The following USP36 variants were observed in gnomAD, a reference collection of about 807,000 sequenced individuals.
USP36 encodes ubiquitin carboxyl-terminal hydrolase 36.
USP36 carries 59 observed loss-of-function variants against 111.5 expected under a neutral mutation model. The ratio of observed to expected loss-of-function variants is 0.53; its 90% confidence interval spans 0.43 to 0.66. USP36 has a LOEUF of 0.66. Ranked by LOEUF, USP36 falls within the 30% of genes least tolerant of loss-of-function variation. The pLI is 0.00. For synonymous variants in USP36, 628 were observed against 581.0 expected (o/e 1.08, Z -1.16); for missense variants, 1,488 against 1,468.0 (o/e 1.01, Z -0.22).
In USP36 at chr17:78,835,500, G is replaced by C. The variant is rs1406516113; in HGVS notation, c.255C>G (p.Gly85=). The change falls in exon 4 of 21, where the codon GGC becomes GGG. Residue 85 remains glycine, a splice_region_variant and synonymous_variant. Coordinates refer to ENST00000449938, the MANE Select transcript of USP36 (RefSeq NM_001385174.1). ...SGDDPPARRQ[G]SEHTYESCGD... ...CACAGCTCTCATACGTGTGCTCACT[G>C]CCTGAGGAAGAAAGGGACAAGGGAA... 1.9e-6 allele frequency: 3 copies of C among 1,594,130 alleles called. No individual in the cohort carries two copies. Among genetic ancestry groups the C allele is most frequent in the Admixed American group, 3.5e-5 (2 of 56,706 alleles).
Position 78,835,499 on chromosome 17 carries a change from T to A in USP36, c.256A>T (p.Ser86Cys). The change falls in exon 4 of 21, where the codon AGT (serine) becomes TGT (cysteine). Residue 86 changes from serine (S) to cysteine (C), a missense_variant and splice_region_variant. Ser to Cys is a moderately radical substitution (Grantham distance 112). Around this residue, in one of 3 missense-constraint regions of USP36, gnomAD observed 219 missense variants for 209.5 expected, o/e 1.05. Coordinates refer to ENST00000449938, the MANE Select transcript of USP36 (RefSeq NM_001385174.1). ...CCACAGCTCTCATACGTGTGCTCAC[T>A]GCCTGAGGAAGAAAGGGACAAGGGA... Reference protein sequence around the residue: ...GDDPPARRQGSEHTYESCGDG... With the variant: ...GDDPPARRQGCEHTYESCGDG... The A allele has an allele frequency of 6.3e-7, 1 of 1,596,362 alleles. No individual in the cohort carries two copies. Among genetic ancestry groups the A allele is most frequent in the South Asian group, 1.1e-5 (1 of 88,708 alleles).
exon 4 of USP36, chr17:78,787,515 T>C (rs2093545763): frequency 6.6e-6 from 1 of 152,198 alleles, no homozygotes; most frequent in African/African-American, 2.4e-5. Context: ...ATGCTACTCG[T>C]TTACAGGTGT....
In USP36 at chr17:78,822,123, A is replaced by AC. The variant is rs909439930; in HGVS notation, c.690-120dup. The AC allele has an allele frequency of 1.2e-5, 14 of 1,142,138 alleles. No individual in the cohort carries two copies. In the Admixed American group the frequency reaches 1.8e-4, roughly 15 times the overall value. 70.8% of individuals were successfully genotyped at this position (1,142,138 alleles called of 1,614,324 possible). ...GCTCAGCGTGAGGCTGGGAAACTCC[A>AC]CCCCCCACCCGAGTCACCACAGACC... is the stretch of plus-strand genomic sequence containing the variant. On this transcript the variant is annotated intron_variant, in intron 6 of 20. Transcript: ENST00000449938.
intron 9 of USP36, 45 bp from the exon 10 acceptor site, chr17:78,818,823 G>A: frequency 6.2e-7 from 1 of 1,600,246 alleles, no homozygotes; most frequent in Non-Finnish European, 8.6e-7. Context: ...ATTGATTCGT[G>A]CTCTGAAAAA....
At position 78,836,092 on chromosome 17, in the gene USP36, G is replaced by C. The variant is rs1456762325; in HGVS notation, c.253+19C>G. The stretch of plus-strand genomic sequence containing the variant: ...CCCCGGAGTGAGGGCCTCTCTGCCA[G>C]CACACTGCACATCTGTACCCTGTCT... On this transcript the variant is annotated intron_variant, in intron 3 of 20. Transcript: ENST00000449938. 2.3e-5 allele frequency: 37 copies of C among 1,609,036 alleles called. No homozygotes were observed. Among genetic ancestry groups the C allele is most frequent in the Non-Finnish European group, 3.1e-5 (36 of 1,177,144 alleles).
intron 17 of USP36, among the ~76,000 whole-genome samples, chr17:78,801,211 T>A (rs1017854159): frequency 1.9e-4 from 29 of 152,024 alleles, no homozygotes; most frequent in African/African-American, 6.5e-4. Context: ...CTCCTAACCT[T>A]GTGATCCGCC....
intron 2 of USP36, among the ~76,000 whole-genome samples, chr17:78,837,039 G>A (rs1425067083): frequency 6.6e-6 from 1 of 152,152 alleles, no homozygotes; most frequent in African/African-American, 2.4e-5. Flanking sequence ...AGAAGAGAAT[G>A]TAAAACATCC....
rs1272602731 is a variant in USP36 at position 78,821,338 on chromosome 17, G to C, written c.758-277C>G. 3 of 281,156 alleles carry C rather than the reference G, an allele frequency of 1.1e-5. No homozygotes were observed. The Admixed American group carries it at 1.5e-4, about 14-fold the overall frequency. The allele number at this position is 281,156 out of a possible 1,614,324, so 17.4% of individuals were successfully genotyped here. ...TACTCTCCTGCTGAGGGAGAGCAGA[G>C]GGAAGAGCTGCCTCCTCCCTGCACG... On this transcript the variant is annotated intron_variant, in intron 7 of 20. Transcript: ENST00000449938.
intron 14 of USP36, among the ~76,000 whole-genome samples, chr17:78,806,566 T>C (rs4796817): frequency 0.67 from 102,159 of 152,180 alleles, 36,623 homozygotes; most frequent in South Asian, 0.8. Context: ...CCAAGCTTCC[T>C]GCTGCAGAGG....
chr17:78,806,090 C>T, intron 15 of USP36, 66 bp downstream of exon 15: 1 of 1,605,570 alleles, frequency 6.2e-7, no homozygotes, highest in South Asian at 1.1e-5. Flanking sequence ...AACTCCTCAC[C>T]AGCCAAGCAC....
chr17:78,816,650 A>AT (rs1051055149), intron 10 of USP36, among the ~76,000 whole-genome samples: 8 of 151,598 alleles, frequency 5.3e-5, no homozygotes, highest in Non-Finnish European at 7.4e-5. Context: ...AAAAACCAAA[A>AT]TTTTTTTGTA....
At chr17:78,835,218 T>C in intron 4 of USP36, 62 bp downstream of exon 4, 2 of 1,535,860 alleles carry the variant, frequency 1.3e-6, no homozygotes, top group Non-Finnish European at 1.8e-6. Context: ...GTGCCACAAG[T>C]GCATGGGCTT....
chr17:78,810,396 T>C (rs1479592221), intron 13 of USP36, among the ~76,000 whole-genome samples: 1 of 151,916 alleles, frequency 6.6e-6, no homozygotes, highest in African/African-American at 2.4e-5. Flanking sequence ...CAAGTGATCC[T>C]CCCACCTCAG....
In USP36 at chr17:78,807,644, G is replaced by T; in HGVS notation, c.1408-8C>A. 1.3e-6 allele frequency: 2 copies of T among 1,515,380 alleles called. No individual in the cohort carries two copies. The highest frequency in any genetic ancestry group is 2.7e-5 in the South Asian group (2 of 74,974). The allele number at this position is 1,515,380 out of a possible 1,614,324, so 93.9% of individuals were successfully genotyped here. On this transcript the variant is annotated splice_polypyrimidine_tract_variant and splice_region_variant and intron_variant, in intron 13 of 20. Transcript: ENST00000449938. Reference sequence around the variant, plus strand: ...CGTCCCAGAGTCTTGTCGCTAAGGAGACCAAAGCAGAAAACACAACTGAGG... The same window carrying T: ...CGTCCCAGAGTCTTGTCGCTAAGGATACCAAAGCAGAAAACACAACTGAGG...
At chr17:78,804,004 A>C (rs957470674) in intron 15 of USP36, 26 bp from the exon 16 acceptor site, 3 of 1,516,180 alleles carry the variant, frequency 2.0e-6, no homozygotes, top group Non-Finnish European at 2.7e-6. Flanking sequence ...GGAAACAGGG[A>C]GAGGATGTTC....
At chr17:78,815,019 C>T (rs1156701851) in intron 10 of USP36, among the ~76,000 whole-genome samples, 1 of 149,802 alleles carries the variant, frequency 6.7e-6, no homozygotes, top group Non-Finnish European at 1.5e-5. Context: ...TGTGCAGGAG[C>T]TCCCCCAGGC....
Position 78,819,919 on chromosome 17 carries a change from G to A in USP36, c.911+11C>T, listed in dbSNP as rs370608140. ...GTATCAGTCTTCTGCCACAAGCAAC[G>A]TGAAACTTACTTAGCACACATGTAG... On this transcript the variant is annotated intron_variant, in intron 9 of 20. Transcript: ENST00000449938. 2.4e-5 allele frequency: 38 copies of A among 1,613,410 alleles called. No homozygotes were observed. Among genetic ancestry groups the A allele is most frequent in the Middle Eastern group, 1.6e-4 (1 of 6,082 alleles).
In USP36 at chr17:78,807,032, C is replaced by T. The variant is rs747063989; in HGVS notation, c.2012G>A (p.Ser671Asn). The T allele has an allele frequency of 3.1e-6, 5 of 1,614,218 alleles. No individual in the cohort carries two copies. Among genetic ancestry groups the T allele is most frequent in the Non-Finnish European group, 4.2e-6 (5 of 1,180,036 alleles). The change falls in exon 14 of 21, where the codon AGC becomes AAC. Residue 671 changes from serine (S) to asparagine (N), a missense_variant. By Grantham distance (46) the Ser-to-Asn change is conservative. Coordinates refer to ENST00000449938, the MANE Select transcript of USP36 (RefSeq NM_001385174.1). ...KTVKLKSPVL[S>N]NTTTEPASTM... ...GCTTGCAGGCTCAGTGGTGGTGTTG[C>T]TCAGGACAGGGGACTTCAGCTTCAC...
chr17:78,820,987 G>C lies in USP36; in HGVS notation c.828+4C>G, dbSNP rs2094304760. On this transcript the variant is annotated splice_donor_region_variant and intron_variant, in intron 8 of 20. Transcript: ENST00000449938. ...CAAAAGTGAAGGGCAGGACAGATCT[G>C]TACCCGGATCTCCAGCGCGACGTCC... 6.2e-7 allele frequency: 1 copy of C among 1,607,026 alleles called. No individual in the cohort carries two copies.
Sources: gnomAD v4.1 joint callset for allele counts (sites outside exome capture counted in the v4.1 genomes callset) on GRCh38, gnomAD v4.1.1 for gene constraint, gnomAD v4.1.1 regional missense constraint, MANE v1.5 for transcripts, NCBI Gene and HGNC (gene_info 2026-07-23, HGNC 2026-07-21) for gene names.